Variants in MAP1B observed in about 807,000 individuals in gnomAD.
The protein encoded by MAP1B is microtubule associated protein 1B, also known as microtubule-associated protein 1B.
Under a neutral mutation model 176.1 loss-of-function variants are expected in MAP1B, and 12 were observed. That is an observed-to-expected ratio of 0.07 (90% confidence interval 0.04 to 0.11). The LOEUF is 0.11. MAP1B is among the 10% of genes least tolerant of loss of function. MAP1B has a pLI of 1.00. For missense variants in MAP1B, 2,523 were observed against 2,990.5 expected (o/e 0.84, Z 3.65); for synonymous variants, 1,044 against 1,135.0 (o/e 0.92, Z 1.61).
Position 72,195,061 on chromosome 5 carries a change from C to A in MAP1B, c.1706C>A (p.Thr569Lys), listed in dbSNP as rs754686684. The change falls in exon 5 of 7, where the codon ACA becomes AAA. Residue 569 changes from threonine (T) to lysine (K), a missense_variant. Coordinates refer to ENST00000296755, the MANE Select transcript of MAP1B (RefSeq NM_005909.5). Reference protein sequence around the residue: ...KESKEETPEVTKVNHVEKPPK... With the variant: ...KESKEETPEVKKVNHVEKPPK... ...TCAAAAGAAGAAACCCCTGAGGTCA[C>A]AAAAGTGAATCACGTGGAAAAGCCA... The A allele has an allele frequency of 1.9e-6, 3 of 1,613,872 alleles. No individual in the cohort carries two copies. The East Asian group carries it at 6.7e-5, about 36-fold the overall frequency.
chr5:72,176,191 CCACACACACGTGTGTGCA>C (rs113366592), intron 2 of MAP1B, among the ~76,000 whole-genome samples: 201 of 152,332 alleles, frequency 1.3e-3, no homozygotes, highest in African/African-American at 3.4e-3. Context: ...CCTGCTGGGT[CCACACACACGTGTGTGCA>C]CGCACACACT....
chr5:72,198,383 G>T lies in MAP1B; in HGVS notation c.5028G>T (p.Val1676=). The T allele has an allele frequency of 6.2e-7, 1 of 1,614,122 alleles. No homozygotes were observed. Among genetic ancestry groups the T allele is most frequent in the Non-Finnish European group, 8.5e-7 (1 of 1,180,004 alleles). The part of the protein sequence containing the change: ...SPDHPTVGAG[V]LHITENGPTE... Reference sequence around the variant, plus strand: ...ATCACCCTACAGTGGGTGCAGGCGTGCTTCACATCACTGAAAATGGGCCAA... The same window carrying T: ...ATCACCCTACAGTGGGTGCAGGCGTTCTTCACATCACTGAAAATGGGCCAA... The change falls in exon 5 of 7, where the codon GTG becomes GTT. Residue 1676 remains valine, a synonymous_variant. Transcript: ENST00000296755.
chr5:72,117,503 TGAAAGGC>T (rs1745456260), intron 2 of MAP1B, among the ~76,000 whole-genome samples: 1 of 152,206 alleles, frequency 6.6e-6, no homozygotes, highest in Non-Finnish European at 1.5e-5. Flanking sequence ...TATTGCATAA[TGAAAGGC>T]TGCAAGCATT....
chr5:72,199,070 C>T lies in MAP1B; in HGVS notation c.5715C>T (p.Tyr1905=). 6.2e-7 allele frequency: 1 copy of T among 1,614,070 alleles called. No individual in the cohort carries two copies. The change falls in exon 5 of 7, where the codon TAC becomes TAT. Residue 1905 remains tyrosine, a synonymous_variant. Transcript: ENST00000296755. The surrounding 1 kb of genome is among the most constrained non-coding windows in gnomAD (Gnocchi z 4.2). ...GGACCTCAGATGTGGGTGGCTATTA[C>T]TATGAGAAGATAGAGAGAACCACAA... The part of the protein sequence containing the change: ...TTRTSDVGGY[Y]YEKIERTTKS...
chr5:72,119,394 C>T (rs1745487031), intron 2 of MAP1B, among the ~76,000 whole-genome samples: 1 of 152,226 alleles, frequency 6.6e-6, no homozygotes, highest in Non-Finnish European at 1.5e-5. Context: ...CAAGTGAGAA[C>T]AGTCATCTTG....
At chr5:72,116,529 C>G (rs1745441365) in intron 2 of MAP1B, 1 of 347,914 alleles carries the variant, frequency 2.9e-6, no homozygotes, top group African/African-American at 2.2e-5. Context: ...TGATCTGACC[C>G]ATGCCTCTGG....
intron 2 of MAP1B, among the ~76,000 whole-genome samples, chr5:72,140,981 A>G (rs941670896): frequency 6.6e-6 from 1 of 152,144 alleles, no homozygotes; most frequent in African/African-American, 2.4e-5. Context: ...CTCCTCTTCT[A>G]CAGCTTCCAG....
chr5:72,176,966 C>G (rs1746663205), intron 2 of MAP1B, among the ~76,000 whole-genome samples: 1 of 152,200 alleles, frequency 6.6e-6, no homozygotes, highest in Admixed American at 6.5e-5. Context: ...AGGAGTTTTA[C>G]TTCCCTGGAG....
intron 2 of MAP1B, among the ~76,000 whole-genome samples, chr5:72,162,048 C>CATCA (rs1182835176): frequency 6.6e-6 from 1 of 150,666 alleles, no homozygotes; most frequent in African/African-American, 2.4e-5. Context: ...AGAGCTAGTA[C>CATCA]TAAGTTATCA....
intron 2 of MAP1B, among the ~76,000 whole-genome samples, chr5:72,127,957 C>G (rs2112137028): frequency 6.6e-6 from 1 of 152,278 alleles, no homozygotes; most frequent in African/African-American, 2.4e-5. Flanking sequence ...ACTTACAAAT[C>G]TGTTGTTTCT....
At chr5:72,202,551 C>A (rs1422272463) in intron 5 of MAP1B, among the ~76,000 whole-genome samples, 1 of 152,128 alleles carries the variant, frequency 6.6e-6, no homozygotes, top group Non-Finnish European at 1.5e-5. Context: ...TAAAATCTAG[C>A]TGGTGTTTTA....
In MAP1B at chr5:72,186,290, G is replaced by T. The variant is rs188038520; in HGVS notation, c.370-324G>T. ...ACAGCTGTGGAACAAATGATTACCA[G>T]CTGTGAAGACTGCTTTGAAAAAGAG... On this transcript the variant is annotated intron_variant, in intron 3 of 6. Coordinates refer to ENST00000296755, the MANE Select transcript of MAP1B (RefSeq NM_005909.5). This position sits in a 1 kb window ranked among gnomAD's most constrained non-coding sequence, Gnocchi z 4.3. 3.9e-4 allele frequency among the ~76,000 whole-genome samples: 59 copies of T among 152,336 alleles called. No individual in the cohort carries two copies. The highest frequency in any genetic ancestry group is 1.5e-3 in the South Asian group (7 of 4,826).
chr5:72,124,192 AC>A (rs1199172604), intron 2 of MAP1B, among the ~76,000 whole-genome samples: 2 of 151,994 alleles, frequency 1.3e-5, no homozygotes, highest in Non-Finnish European at 2.9e-5. Context: ...TCCAGGGCTT[AC>A]CCCTTTTGTT....
chr5:72,180,581 T>G (rs547660004), intron 2 of MAP1B, among the ~76,000 whole-genome samples: 3 of 152,332 alleles, frequency 2.0e-5, no homozygotes, highest in African/African-American at 7.2e-5. Flanking sequence ...AATTACAGTA[T>G]TTAGCATTCA....
chr5:72,199,055 T>C lies in MAP1B; in HGVS notation c.5700T>C (p.Asp1900=), dbSNP rs779598162. ...ATGAGAAGACCACCCGGACCTCAGA[T>C]GTGGGTGGCTATTACTATGAGAAGA... ...ESYEKTTRTS[D]VGGYYYEKIE... The change falls in exon 5 of 7, where the codon GAT becomes GAC. Residue 1900 remains aspartate (D), a synonymous_variant. Coordinates refer to ENST00000296755, the MANE Select transcript of MAP1B (RefSeq NM_005909.5). This position sits in a 1 kb window ranked among gnomAD's most constrained non-coding sequence, Gnocchi z 4.2. The C allele has an allele frequency of 1.9e-6, 3 of 1,614,134 alleles. No individual in the cohort carries two copies. Among genetic ancestry groups the C allele is most frequent in the African/African-American group, 1.3e-5 (1 of 75,042 alleles).
intron 2 of MAP1B, among the ~76,000 whole-genome samples, chr5:72,138,775 G>T (rs1229854516): frequency 6.6e-6 from 1 of 152,134 alleles, no homozygotes; most frequent in Non-Finnish European, 1.5e-5. Flanking sequence ...TTTTCAATTT[G>T]ATCACAATTT....
intron 4 of MAP1B, among the ~76,000 whole-genome samples, chr5:72,191,183 T>G (rs1326298431): frequency 6.6e-6 from 1 of 152,244 alleles, no homozygotes; most frequent in African/African-American, 2.4e-5. Flanking sequence ...GATTATGTAT[T>G]GAGGAAACAA....
At chr5:72,203,529 A>G (rs1264835289) in intron 5 of MAP1B, 34 bp from the exon 6 acceptor site, 7 of 1,504,872 alleles carry the variant, frequency 4.7e-6, no homozygotes, top group Admixed American at 1.7e-5. Context: ...TCACCTTGCT[A>G]TGACCTTGCT....
chr5:72,130,921 A>T (rs1334021013), intron 2 of MAP1B, among the ~76,000 whole-genome samples: 1 of 152,244 alleles, frequency 6.6e-6, no homozygotes, highest in African/African-American at 2.4e-5. Flanking sequence ...ATAAACCAAG[A>T]TGTGTGGTTT....
Sources: gnomAD v4.1 joint callset for allele counts (sites outside exome capture counted in the v4.1 genomes callset) on GRCh38, gnomAD v4.1.1 for gene constraint, Gnocchi (gnomAD v3.1) non-coding constraint, MANE v1.5 for transcripts, NCBI Gene and HGNC (gene_info 2026-07-23, HGNC 2026-07-21) for gene names.